Variants in CPED1 observed in about 807,000 individuals in gnomAD.
CPED1 encodes cadherin-like and PC-esterase domain-containing protein 1.
A neutral mutation model predicts 128.2 loss-of-function variants in CPED1; 114 were observed. That is an observed-to-expected ratio of 0.89 (90% CI 0.76 to 1.04). CPED1 has a LOEUF of 1.04. Ranked by LOEUF, CPED1 falls within the 50% of genes least tolerant of loss-of-function variation. The probability of loss-of-function intolerance (pLI) is 0.00; values close to 1 mark genes in which losing one functional copy is unlikely to be tolerated. For missense variants in CPED1, 1,211 were observed against 1,207.1 expected, an observed-to-expected ratio of 1.00 and a Z score of -0.05; for synonymous variants, 462 against 426.7, an observed-to-expected ratio of 1.08 and a Z score of -1.02.
At chr7:121,125,357 T>G (rs1217876534) in intron 8 of CPED1, among the ~76,000 whole-genome samples, 1 of 152,180 alleles carries the variant, frequency 6.6e-6, no homozygotes, top group Non-Finnish European at 1.5e-5. Context: ...GTTTGTCACA[T>G]AGGTATACAT....
intron 4 of CPED1, chr7:121,050,980 A>G: frequency 1.9e-6 from 1 of 521,558 alleles, no homozygotes; most frequent in Admixed American, 2.1e-5. Flanking sequence ...GTTGTCAGCT[A>G]AACCTGCTCC....
chr7:121,096,703 A>G (rs1407794219), intron 5 of CPED1, among the ~76,000 whole-genome samples: 1 of 152,208 alleles, frequency 6.6e-6, no homozygotes, highest in Non-Finnish European at 1.5e-5. Flanking sequence ...AAGAATGGCT[A>G]AATCAAATGT....
chr7:121,241,347 C>CAAAAAAAAAA (rs1030223751), intron 17 of CPED1, among the ~76,000 whole-genome samples: 5 of 5,552 alleles, frequency 9.0e-4, no homozygotes, highest in Admixed American at 2.9e-3. Context: ...GACTCCGTCT[C>CAAAAAAAAAA]AAAAAAAAAA....
chr7:121,200,678 C>T (rs1379846076), intron 16 of CPED1, among the ~76,000 whole-genome samples: 3 of 152,060 alleles, frequency 2.0e-5, no homozygotes, highest in Admixed American at 2.0e-4. Flanking sequence ...GTCTTACTTA[C>T]ATTTTTATCC....
intron 7 of CPED1, among the ~76,000 whole-genome samples, chr7:121,111,710 T>TA (rs75662830): frequency 6.6e-6 from 1 of 151,638 alleles, no homozygotes; most frequent in Non-Finnish European, 1.5e-5. Context: ...GCACTGAAAA[T>TA]AAAAAAGAAA....
chr7:121,289,011 A>T (rs1402781355), intron 22 of CPED1, among the ~76,000 whole-genome samples: 1 of 152,170 alleles, frequency 6.6e-6, no homozygotes. Context: ...TCTCCTGTCT[A>T]TCATATTTAG....
intron 5 of CPED1, among the ~76,000 whole-genome samples, chr7:121,078,365 T>C (rs2110280): frequency 0.38 from 58,444 of 151,814 alleles, 12,559 homozygotes; most frequent in Non-Finnish European, 0.5. Flanking sequence ...TAATTTTTAG[T>C]GGAGCATGAC....
chr7:121,027,826 GTC>G (rs1177185413), intron 3 of CPED1, among the ~76,000 whole-genome samples: 2 of 151,386 alleles, frequency 1.3e-5, no homozygotes, highest in Admixed American at 6.6e-5. Flanking sequence ...TCACATGTGA[GTC>G]TCACCATTTA....
chr7:121,254,624 G>T (rs1402805382), intron 18 of CPED1, among the ~76,000 whole-genome samples: 1 of 151,706 alleles, frequency 6.6e-6, no homozygotes, highest in Non-Finnish European at 1.5e-5. Context: ...AACAGAAGTC[G>T]GTTCTTCAAA....
At chr7:121,282,497 A>AAG (rs1352459953) in intron 22 of CPED1, among the ~76,000 whole-genome samples, 1 of 152,150 alleles carries the variant, frequency 6.6e-6, no homozygotes, top group Admixed American at 6.5e-5. Flanking sequence ...AACATCTTTC[A>AAG]CCGGAATAAC....
chr7:121,235,366 AG>A (rs1166626126), intron 16 of CPED1, among the ~76,000 whole-genome samples: 1 of 152,148 alleles, frequency 6.6e-6, no homozygotes, highest in Non-Finnish European at 1.5e-5. Context: ...TCATAAATTA[AG>A]AAATGAAAAT....
At chr7:120,999,265 G>T (rs1791760612) in intron 2 of CPED1, among the ~76,000 whole-genome samples, 1 of 151,972 alleles carries the variant, frequency 6.6e-6, no homozygotes, top group South Asian at 2.1e-4. Context: ...TCTGGCTAAT[G>T]GTAATCATCA....
chr7:121,272,813 C>G (rs1792259464), intron 22 of CPED1, among the ~76,000 whole-genome samples: 1 of 152,050 alleles, frequency 6.6e-6, no homozygotes, highest in Non-Finnish European at 1.5e-5. Context: ...CTGAAGGCTC[C>G]TCTCACTTGG....
At chr7:121,003,271 G>C (rs1484610626) in intron 2 of CPED1, among the ~76,000 whole-genome samples, 1 of 152,110 alleles carries the variant, frequency 6.6e-6, no homozygotes, top group African/African-American at 2.4e-5. Flanking sequence ...TCTAAGACAT[G>C]ATTTCCACTT....
chr7:121,063,836 A>G (rs1793749609), intron 4 of CPED1, among the ~76,000 whole-genome samples: 1 of 152,196 alleles, frequency 6.6e-6, no homozygotes, highest in Non-Finnish European at 1.5e-5. Context: ...ATATTTAGAA[A>G]TAATCCCTTC....
At chr7:121,035,122 G>C (rs1562999845) in intron 3 of CPED1, among the ~76,000 whole-genome samples, 1 of 152,256 alleles carries the variant, frequency 6.6e-6, no homozygotes, top group East Asian at 1.9e-4. Flanking sequence ...GGTGCAGCTG[G>C]AGAACAGGAG....
intron 16 of CPED1, among the ~76,000 whole-genome samples, chr7:121,142,383 G>A (rs1384132290): frequency 2.0e-5 from 3 of 151,762 alleles, no homozygotes; most frequent in African/African-American, 7.3e-5. Flanking sequence ...TGTGGTTAAT[G>A]TTCAAAAAAA....
At chr7:121,085,179 G>A (rs753326586) in intron 5 of CPED1, among the ~76,000 whole-genome samples, 16 of 152,308 alleles carry the variant, frequency 1.1e-4, no homozygotes, top group East Asian at 1.9e-4. Context: ...GCTCCATGTG[G>A]CATCGGTCCT....
rs779941795 is a variant in CPED1 at position 121,100,029 on chromosome 7, C to T, written c.853C>T (p.Arg285Cys). The change falls in exon 7 of 23, where the codon CGT (arginine) becomes TGT (cysteine). Residue 285 changes from arginine to cysteine, a missense_variant. Transcript: ENST00000310396. ...GTTGGTGACGTCCTTAACCCCTTTG[C>T]GTGCATTCATTCATTCGACGGGCAC... ...YVLVTSLTPL[R>C]AFIHSTGTVW... 6.2e-6 allele frequency: 10 copies of T among 1,613,280 alleles called. No homozygotes were observed. Among genetic ancestry groups the T allele is most frequent in the East Asian group, 4.5e-5 (2 of 44,868 alleles).
Sources: allele counts gnomAD v4.1 joint callset (sites outside exome capture counted in the v4.1 genomes callset), GRCh38; gene constraint gnomAD v4.1.1; transcripts MANE v1.5; gene names NCBI Gene and HGNC (gene_info 2026-07-23, HGNC 2026-07-21).